The following STX1A variants were observed in gnomAD, a reference collection of about 807,000 sequenced individuals.
The protein encoded by STX1A is syntaxin 1A.
In STX1A, 4 loss-of-function variants were observed where a neutral mutation model predicts 37.8. That is an observed-to-expected ratio of 0.11 (90% CI 0.05 to 0.24). STX1A has a LOEUF of 0.24. Among genes scored for constraint, STX1A ranks in the 10% least tolerant of loss-of-function variants. The pLI is 1.00. For synonymous variants in STX1A, 135 were observed against 147.4 expected (o/e 0.92, Z 0.61); for missense variants, 251 against 399.9 (o/e 0.63, Z 3.18).
chr7:73,703,039 G>A lies in STX1A; in HGVS notation c.541-57C>T, dbSNP rs1175680957. The A allele has an allele frequency of 4.9e-6, 7 of 1,421,774 alleles. No individual in the cohort carries two copies. In the Admixed American group the frequency reaches 1.3e-4, roughly 26 times the overall value. The allele number at this position is 1,421,774 out of a possible 1,614,324, so 88.1% of individuals were successfully genotyped here. On this transcript the variant is annotated intron_variant, in intron 7 of 9. Transcript: ENST00000222812. ...AGGCTTGCTGAGGGGCAGGGCAGAG[G>A]GCCGAGGGGGAGGGCGTTTGGGGTG...
rs2116741849 is a variant in STX1A at position 73,705,669 on chromosome 7, A to C, written c.209-445T>G. ...CAGCCAGGCAGGGGGTTGACAGGGGACCACCCCACACTCCCTGAGTCATAT... is the reference window on the plus strand; with the variant it reads ...CAGCCAGGCAGGGGGTTGACAGGGGCCCACCCCACACTCCCTGAGTCATAT... On this transcript the variant is annotated intron_variant, in intron 3 of 9. Coordinates refer to ENST00000222812, the MANE Select transcript of STX1A (RefSeq NM_004603.4). The surrounding 1 kb of genome is among the most constrained non-coding windows in gnomAD (Gnocchi z 5.2). 5.1e-6 allele frequency: 1 copy of C among 197,028 alleles called. No homozygotes were observed. The highest frequency in any genetic ancestry group is 2.1e-3 in the Middle Eastern group (1 of 476). 12.2% of individuals were successfully genotyped at this position (197,028 alleles called of 1,614,324 possible). A position where few individuals can be genotyped will look rare whatever the true frequency, so the allele number is the denominator to read the frequency against.
chr7:73,709,185 T>A lies in STX1A; in HGVS notation c.31-63A>T. ...CAGGACCCACCTGTACACACGCAGG[T>A]GCCCAGGGTACAGCGCCAGGGCCCT... is the stretch of plus-strand genomic sequence containing the variant. On this transcript the variant is annotated intron_variant, in intron 1 of 9. Transcript: ENST00000222812. The surrounding 1 kb of genome is among the most constrained non-coding windows in gnomAD (Gnocchi z 4.2). 10 of 1,554,366 alleles carry A rather than the reference T, an allele frequency of 6.4e-6. No individual in the cohort carries two copies. Among genetic ancestry groups the A allele is most frequent in the Non-Finnish European group, 8.8e-6 (10 of 1,137,084 alleles).
intron 5 of STX1A, 39 bp downstream of exon 5, chr7:73,704,311 G>A: frequency 6.2e-7 from 1 of 1,613,930 alleles, no homozygotes; most frequent in South Asian, 1.1e-5. Flanking sequence ...CCGACCCAGA[G>A]ACTCAGGTGC....
chr7:73,712,043 G>A (rs997757520), intron 1 of STX1A, among the ~76,000 whole-genome samples: 1 of 152,084 alleles, frequency 6.6e-6, no homozygotes, highest in Admixed American at 6.6e-5. Flanking sequence ...CGTCTATGAG[G>A]GTAGGGCTGG....
chr7:73,707,627 G>C (rs782614529), intron 3 of STX1A, among the ~76,000 whole-genome samples: 1 of 152,016 alleles, frequency 6.6e-6, no homozygotes, highest in Admixed American at 6.5e-5. Context: ...AAGCCAGTTC[G>C]AAATGAAAAA....
chr7:73,710,472 C>T (rs1386222161), intron 1 of STX1A, among the ~76,000 whole-genome samples: 5 of 152,206 alleles, frequency 3.3e-5, no homozygotes, highest in African/African-American at 1.2e-4. Context: ...GTCACCTAGG[C>T]TGGAGTGCAG....
At chr7:73,704,858 G>C (rs1798814488) in intron 4 of STX1A, 1 of 545,596 alleles carries the variant, frequency 1.8e-6, no homozygotes, top group Non-Finnish European at 3.3e-6. Context: ...AAGAGACCAG[G>C]AAGTACTGGC....
intron 6 of STX1A, 73 bp from the exon 7 acceptor site, chr7:73,703,901 C>G: frequency 2.6e-6 from 4 of 1,513,924 alleles, no homozygotes; most frequent in Non-Finnish European, 3.6e-6. Context: ...GCCCCGCCCC[C>G]TCCGTCCCAG....
chr7:73,714,170 G>A (rs1284240588), intron 1 of STX1A, among the ~76,000 whole-genome samples: 6 of 151,410 alleles, frequency 4.0e-5, no homozygotes, highest in East Asian at 1.9e-4. Flanking sequence ...GCGCAGTGGC[G>A]CAATCTCGGC....
Position 73,708,695 on chromosome 7 carries a change from A to G in STX1A, c.109-7T>C. ...AGCCTCGAATCTCCTCCACCTGCGG[A>G]CCAAGGCCAGGTGGTCAGGAGAAGG... On this transcript the variant is annotated splice_polypyrimidine_tract_variant and splice_region_variant and intron_variant, in intron 2 of 9. Transcript: ENST00000222812. The G allele has an allele frequency of 6.2e-7, 1 of 1,613,358 alleles. No homozygotes were observed. The highest frequency in any genetic ancestry group is 8.5e-7 in the Non-Finnish European group (1 of 1,179,644).
Position 73,710,170 on chromosome 7 carries a change from C to T in STX1A, c.31-1048G>A, listed in dbSNP as rs145087813. On this transcript the variant is annotated intron_variant, in intron 1 of 9. Coordinates refer to ENST00000222812, the MANE Select transcript of STX1A (RefSeq NM_004603.4). ...GCCTCAGCCACAGTTACAAGCCCCA[C>T]TCCACTGTCCCAGGACCAGCTGTAC... 4.4e-3 allele frequency among the ~76,000 whole-genome samples: 674 copies of T among 152,380 alleles called. 29 individuals carry two copies. The East Asian group carries it at 0.091, about 21-fold the overall frequency.
intron 1 of STX1A, among the ~76,000 whole-genome samples, chr7:73,711,678 A>G (rs577030761): frequency 2.0e-5 from 3 of 152,156 alleles, no homozygotes; most frequent in Admixed American, 2.0e-4. Context: ...CCAGGTTGGG[A>G]AGTGGCCCCA....
rs1411104679 is a variant in STX1A at position 73,700,081 on chromosome 7, G to A, written c.*326C>T. 1 of 435,320 alleles carries A rather than the reference G, an allele frequency of 2.3e-6. No homozygotes were observed. Among genetic ancestry groups the A allele is most frequent in the Non-Finnish European group, 4.2e-6 (1 of 235,662 alleles). 27.0% of individuals were successfully genotyped at this position (435,320 alleles called of 1,614,324 possible). On this transcript the variant is annotated 3_prime_UTR_variant, in exon 10 of 10. Coordinates refer to ENST00000222812, the MANE Select transcript of STX1A (RefSeq NM_004603.4). This position sits in a 1 kb window ranked among gnomAD's most constrained non-coding sequence, Gnocchi z 4.4. Reference sequence around the variant, plus strand: ...GGTCCCCAGGGAAGAGCAGAACCTGGGCCCACCGAGTTACTGAAGGCAAGG... The same window carrying A: ...GGTCCCCAGGGAAGAGCAGAACCTGAGCCCACCGAGTTACTGAAGGCAAGG...
rs777783721 is a variant in STX1A, at chr7:73,709,485, A to C, written c.31-363T>G. ...CCTCTGGGTCCCCTAGGCCCCTAGG[A>C]CAGCTGCCTGGAAAGTGCATTCTCT... On this transcript the variant is annotated intron_variant, in intron 1 of 9. Transcript: ENST00000222812. This position sits in a 1 kb window ranked among gnomAD's most constrained non-coding sequence, Gnocchi z 4.2. 5.3e-5 allele frequency among the ~76,000 whole-genome samples: 8 copies of C among 152,078 alleles called. No individual in the cohort carries two copies. The highest frequency in any genetic ancestry group is 8.8e-5 in the Non-Finnish European group (6 of 67,994).
chr7:73,711,113 C>G (rs976553845), intron 1 of STX1A, among the ~76,000 whole-genome samples: 1 of 152,092 alleles, frequency 6.6e-6, no homozygotes, highest in Non-Finnish European at 1.5e-5. Flanking sequence ...TTCAGCCTCC[C>G]AAGCAGCTGG....
Position 73,700,823 on chromosome 7 carries a change from C to A in STX1A, c.696G>T (p.Arg232Ser), listed in dbSNP as rs1798624352. 1 of 1,613,638 alleles carries A rather than the reference C, an allele frequency of 6.2e-7. No individual in the cohort carries two copies. The highest frequency in any genetic ancestry group is 8.5e-7 in the Non-Finnish European group (1 of 1,179,992). Reference protein sequence around the residue: ...LVESQGEMIDRIEYNVEHAVD... With the variant: ...LVESQGEMIDSIEYNVEHAVD... ...CCGCGTGTTCCACATTGTACTCGATCCTGTCAATCATCTCTCCCTGCGGGG... is the reference window on the plus strand; with the variant it reads ...CCGCGTGTTCCACATTGTACTCGATACTGTCAATCATCTCTCCCTGCGGGG... Residue 232 changes from arginine to serine, a missense_variant, in exon 9 of 10, where the codon AGG becomes AGT. Arg to Ser is a moderately radical substitution (Grantham distance 110, BLOSUM62 -1). Around this residue, in one of 2 missense-constraint regions of STX1A, gnomAD observed 214 missense variants for 367.6 expected, o/e 0.58. Coordinates refer to ENST00000222812, the MANE Select transcript of STX1A (RefSeq NM_004603.4). The surrounding 1 kb of genome is among the most constrained non-coding windows in gnomAD (Gnocchi z 4.4).
intron 1 of STX1A, among the ~76,000 whole-genome samples, chr7:73,714,408 C>CT (rs1328195128): frequency 3.7e-4 from 55 of 148,094 alleles, no homozygotes; most frequent in African/African-American, 8.6e-4. Flanking sequence ...GCGCCCAGCT[C>CT]TTTTTTTTTT....
intron 3 of STX1A, among the ~76,000 whole-genome samples, chr7:73,707,797 T>G (rs1554617237): frequency 6.6e-6 from 1 of 150,730 alleles, no homozygotes; most frequent in African/African-American, 2.4e-5. Flanking sequence ...TAGCCGGGCG[T>G]GGTGGCGCAT....
At chr7:73,704,749 G>A (rs538185922) in intron 4 of STX1A, 137 of 513,700 alleles carry the variant, frequency 2.7e-4, no homozygotes, top group Non-Finnish European at 4.1e-4. Flanking sequence ...TGCCCACAGC[G>A]GGGAGAGCCA....
Sources: allele counts gnomAD v4.1 joint callset (sites outside exome capture counted in the v4.1 genomes callset), GRCh38; gene constraint gnomAD v4.1.1; regional missense constraint gnomAD v4.1.1; non-coding constraint Gnocchi (gnomAD v3.1); transcripts MANE v1.5; gene names NCBI Gene and HGNC (gene_info 2026-07-23, HGNC 2026-07-21).